The following KLRG1 variants were observed in gnomAD, a reference collection of about 807,000 sequenced individuals.
The protein encoded by KLRG1 is killer cell lectin-like receptor subfamily G member 1.
KLRG1 carries 16 observed loss-of-function variants against 21.8 expected under a neutral mutation model. That is an observed-to-expected ratio of 0.73 (90% CI 0.50 to 1.11). KLRG1 has a LOEUF of 1.11. Ranked by LOEUF, KLRG1 falls within the 50% of genes most tolerant of loss-of-function variation. The pLI, the probability that KLRG1 is intolerant of heterozygous loss-of-function variation, is 0.00. For synonymous variants in KLRG1, 69 were observed against 75.9 expected, an observed-to-expected ratio of 0.91 and a Z score of 0.47; for missense variants, 173 against 218.3, an observed-to-expected ratio of 0.79 and a Z score of 1.31.
chr12:9,186,950 G>C, the KLRG1 span, among the ~76,000 whole-genome samples: 2 of 150,890 alleles, frequency 1.3e-5, no homozygotes, highest in African/African-American at 4.9e-5. Flanking sequence ...GTACACCTAT[G>C]TAACAAACCT....
chr12:9,202,650 A>G, the KLRG1 span: 2 of 1,614,106 alleles, frequency 1.2e-6, no homozygotes, highest in Non-Finnish European at 1.7e-6. Flanking sequence ...GATGCTAAGG[A>G]ATGCCACCTC....
chr12:9,069,332 G>T, the KLRG1 span, among the ~76,000 whole-genome samples: 4 of 152,204 alleles, frequency 2.6e-5, no homozygotes, highest in East Asian at 7.7e-4. Context: ...TGGTGAACTG[G>T]TCTTATTATT....
At chr12:8,951,476 T>C (rs1946203794) in intron 1 of KLRG1, among the ~76,000 whole-genome samples, 1 of 152,194 alleles carries the variant, frequency 6.6e-6, no homozygotes, top group African/African-American at 2.4e-5. Flanking sequence ...CTCAAAAAGA[T>C]ATGTATGTAT....
chr12:9,040,186 A>T, the KLRG1 span, among the ~76,000 whole-genome samples: 3 of 152,380 alleles, frequency 2.0e-5, no homozygotes, highest in South Asian at 4.1e-4. Context: ...TCATGAATAT[A>T]TAATTTCAGT....
the KLRG1 span, chr12:9,079,740 A>G: frequency 1.9e-6 from 3 of 1,613,718 alleles, no homozygotes; most frequent in Non-Finnish European, 1.7e-6. Context: ...AAAGAGGACC[A>G]TATTCTGCTC....
At chr12:9,149,046 T>C in the KLRG1 span, 1 of 1,528,606 alleles carries the variant, frequency 6.5e-7, no homozygotes. Flanking sequence ...TGAGGAGCAT[T>C]CAGTTGAGTG....
chr12:9,128,070 A>G, the KLRG1 span: 1 of 212,842 alleles, frequency 4.7e-6, no homozygotes, highest in Non-Finnish European at 9.8e-6. Context: ...GCGCCCGATG[A>G]GCTGACCCCG....
chr12:9,005,099 C>A lies in KLRG1; in HGVS notation c.358-3876C>A, dbSNP rs184672153. 1.7e-3 allele frequency among the ~76,000 whole-genome samples: 251 copies of A among 151,324 alleles called. 2 individuals carry two copies. The highest frequency in any genetic ancestry group is 0.014 in the South Asian group (65 of 4,808). ...AATAAATGGATAAATGAAACTAACA[C>A]AAGAACAGAAAACCAAACACCGCAT... On this transcript the variant is annotated intron_variant, in intron 3 of 4. Transcript: ENST00000356986.
At chr12:9,016,687 A>G in the KLRG1 span, among the ~76,000 whole-genome samples, 2 of 152,162 alleles carry the variant, frequency 1.3e-5, no homozygotes, top group Non-Finnish European at 2.9e-5. Context: ...ATCTCGGCCC[A>G]CTACAACCTC....
At chr12:9,178,993 A>G in the KLRG1 span, among the ~76,000 whole-genome samples, 1 of 152,238 alleles carries the variant, frequency 6.6e-6, no homozygotes, top group South Asian at 2.1e-4. Context: ...CCAACATTGA[A>G]AGGTAATAAT....
At chr12:8,961,682 A>C (rs1946384524) in intron 1 of KLRG1, among the ~76,000 whole-genome samples, 2 of 152,012 alleles carry the variant, frequency 1.3e-5, no homozygotes, top group Admixed American at 6.6e-5. Context: ...CGGCCTCCCA[A>C]ACTGGGATTA....
chr12:8,970,223 T>C (rs774100574), intron 1 of KLRG1, among the ~76,000 whole-genome samples: 3 of 152,250 alleles, frequency 2.0e-5, no homozygotes, highest in Non-Finnish European at 2.9e-5. Flanking sequence ...TAAAGTTTTA[T>C]TGGAACACAC....
the KLRG1 span, chr12:9,196,257 G>A: frequency 2.0e-6 from 2 of 995,026 alleles, 1 homozygote; most frequent in Middle Eastern, 4.7e-4. Context: ...ACCAAGTGTG[G>A]GCTGCATCAT....
At chr12:9,052,880 A>G in the KLRG1 span, 1 of 451,168 alleles carries the variant, frequency 2.2e-6, no homozygotes, top group African/African-American at 2.0e-5. Flanking sequence ...GGCAGATGGT[A>G]GATACTCAGT....
the KLRG1 span, chr12:9,115,697 T>TA: frequency 8.4e-7 from 1 of 1,197,396 alleles, no homozygotes; most frequent in Non-Finnish European, 1.2e-6. Flanking sequence ...AGGAATGATA[T>TA]AAAGAAAAAT....
the KLRG1 span, chr12:9,153,046 C>CAGGA: frequency 6.2e-7 from 1 of 1,604,628 alleles, no homozygotes; most frequent in Non-Finnish European, 8.5e-7. Flanking sequence ...TTTACTTTCC[C>CAGGA]AGGAAGGAAG....
chr12:9,110,501 A>G, the KLRG1 span, among the ~76,000 whole-genome samples: 40 of 152,050 alleles, frequency 2.6e-4, no homozygotes, highest in African/African-American at 9.4e-4. Flanking sequence ...TTTGTTCGTA[A>G]CACAAAGAAT....
the KLRG1 span, among the ~76,000 whole-genome samples, chr12:9,194,522 T>G: frequency 1.4e-5 from 2 of 143,582 alleles, no homozygotes; most frequent in Non-Finnish European, 3.0e-5. Flanking sequence ...TGGAGTGCAG[T>G]GGCGCGATCT....
At chr12:9,192,486 A>G in the KLRG1 span, 5 of 1,591,434 alleles carry the variant, frequency 3.1e-6, no homozygotes, top group South Asian at 1.1e-5. Context: ...ATAAGCTGCA[A>G]TTGTATTCCA....
Sources: allele counts gnomAD v4.1 joint callset (sites outside exome capture counted in the v4.1 genomes callset), GRCh38; gene constraint gnomAD v4.1.1; transcripts MANE v1.5; gene names NCBI Gene and HGNC (gene_info 2026-07-23, HGNC 2026-07-21).